The following HMCN2 variants were observed in gnomAD, a reference collection of about 807,000 sequenced individuals.
HMCN2 encodes hemicentin 2, also known as hemicentin-2.
HMCN2 carries 325 observed loss-of-function variants against 377.5 expected under a neutral mutation model. The observed-to-expected ratio is 0.86, with a 90% CI of 0.79 to 0.94. The LOEUF (loss-of-function observed/expected upper bound fraction) is 0.94. Among genes scored for constraint, HMCN2 ranks in the 40% least tolerant of loss-of-function variants. The pLI is 0.00. For synonymous variants in HMCN2, 2,007 were observed against 2,046.8 expected (o/e 0.98, Z 0.53); for missense variants, 4,543 against 4,725.3 (o/e 0.96, Z 1.13).
chr9:130,299,347 C>G (rs1215691676), intron 8 of HMCN2, 59 bp downstream of exon 8: 16 of 387,462 alleles, frequency 4.1e-5, no homozygotes, highest in Admixed American at 2.7e-4. Flanking sequence ...CCCATTTCAT[C>G]CTGGAGCCTT....
At chr9:130,384,026 A>T (rs922949614) in intron 57 of HMCN2, among the ~76,000 whole-genome samples, 2 of 152,132 alleles carry the variant, frequency 1.3e-5, no homozygotes, top group Non-Finnish European at 2.9e-5. Flanking sequence ...GCAACTCATG[A>T]CGTACACCGC....
chr9:130,346,695 G>A (rs1034886371), intron 25 of HMCN2, among the ~76,000 whole-genome samples: 5 of 152,128 alleles, frequency 3.3e-5, no homozygotes, highest in African/African-American at 7.2e-5. Context: ...AGAGGCTGGC[G>A]GTGGCAGCAG....
At chr9:130,411,683 T>A (rs1211193947) in intron 85 of HMCN2, among the ~76,000 whole-genome samples, 1 of 151,288 alleles carries the variant, frequency 6.6e-6, no homozygotes, top group Non-Finnish European at 1.5e-5. Context: ...GAGGTCATTA[T>A]GCGAAGTGGA....
chr9:130,393,152 C>G lies in HMCN2; in HGVS notation c.10137-60C>G. ...GCCTCTCCTGTCTCTCTCCCTTTCT[C>G]TTCCTCTCTCTCTCTCCCTTTCTCT... On this transcript the variant is annotated intron_variant, in intron 66 of 97. Coordinates refer to ENST00000683500, the MANE Select transcript of HMCN2 (RefSeq NM_001291815.2). The surrounding 1 kb of genome is among the most constrained non-coding windows in gnomAD (Gnocchi z 5.2). The G allele has an allele frequency of 1.1e-5, 10 of 939,994 alleles. No homozygotes were observed. The highest frequency in any genetic ancestry group is 3.5e-5 in the African/African-American group (2 of 56,474). The allele number at this position is 939,994 out of a possible 1,614,324, so 58.2% of individuals were successfully genotyped here.
Position 130,410,596 on chromosome 9 carries a change from G to T in HMCN2, c.12905G>T (p.Cys4302Phe), listed in dbSNP as rs1466490163. The T allele has an allele frequency of 6.4e-7, 1 of 1,550,626 alleles. No homozygotes were observed. Among genetic ancestry groups the T allele is most frequent in the East Asian group, 2.4e-5 (1 of 40,922 alleles). ...TERDDAGRYQCLAENEMGVAK... is the reference protein window; with the variant it reads ...TERDDAGRYQFLAENEMGVAK... ...AGGGACGATGCGGGACGGTACCAGT[G>T]CCTGGCAGAGAATGAGATGGGCGTG... Residue 4302 changes from cysteine (C) to phenylalanine (F), a missense_variant, in exon 85 of 98, where the codon TGC becomes TTC. By Grantham distance (205) the Cys-to-Phe change is radical (BLOSUM62 -2). This residue lies in a region of HMCN2 where 1,155 missense variants were observed against 1,157.7 expected (regional missense o/e 1.00). Coordinates refer to ENST00000683500, the MANE Select transcript of HMCN2 (RefSeq NM_001291815.2).
chr9:130,392,889 G>T (rs558070821), intron 66 of HMCN2, among the ~76,000 whole-genome samples: 1 of 151,928 alleles, frequency 6.6e-6, no homozygotes, highest in Non-Finnish European at 1.5e-5. Flanking sequence ...CCAGCTACTC[G>T]GGAGGCTGAG....
intron 81 of HMCN2, 25 bp from the exon 82 acceptor site, chr9:130,405,930 G>T (rs530022118): frequency 2.4e-6 from 3 of 1,273,720 alleles, no homozygotes; most frequent in Non-Finnish European, 3.1e-6. Context: ...GCAGTTCTCC[G>T]GCCAACCCCT....
At chr9:130,348,194 G>A (rs1839493027) in intron 26 of HMCN2, 1 of 395,300 alleles carries the variant, frequency 2.5e-6, no homozygotes, top group Non-Finnish European at 3.4e-6. Context: ...ACAAAAGCGT[G>A]GCCAGGCCTC....
chr9:130,362,355 A>G (rs536915090), intron 39 of HMCN2, among the ~76,000 whole-genome samples, 190 bp downstream of exon 39: 1 of 152,232 alleles, frequency 6.6e-6, no homozygotes, highest in African/African-American at 2.4e-5. Context: ...CATTCCATGA[A>G]CATGAACCAC....
rs769352035 is a variant in HMCN2, at chr9:130,393,236, C to T, written c.10161C>T (p.Asp3387=). The T allele has an allele frequency of 4.9e-5, 48 of 988,366 alleles. No individual in the cohort carries two copies. The highest frequency in any genetic ancestry group is 5.5e-5 in the Non-Finnish European group (46 of 830,358). 61.2% of individuals were successfully genotyped at this position (988,366 alleles called of 1,614,324 possible). A position where few individuals can be genotyped will look rare whatever the true frequency, so the allele number is the denominator to read the frequency against. The change falls in exon 67 of 98, where the codon GAC becomes GAT. Residue 3387 remains aspartate (D), a synonymous_variant. Coordinates refer to ENST00000683500, the MANE Select transcript of HMCN2 (RefSeq NM_001291815.2). This position sits in a 1 kb window ranked among gnomAD's most constrained non-coding sequence, Gnocchi z 5.2. The stretch of plus-strand genomic sequence containing the variant: ...GGATTTCCAAGGTGCAATTGGCAGA[C>T]GCTGGCATCTTCACCTGTGTGGCCG... ...TLRISKVQLA[D]AGIFTCVAAS... is the part of the protein sequence containing the mutation.
intron 51 of HMCN2, 81 bp downstream of exon 51, chr9:130,376,070 T>A: frequency 6.4e-6 from 3 of 468,430 alleles, no homozygotes; most frequent in Non-Finnish European, 8.4e-6. Flanking sequence ...TGAGCCACCC[T>A]TGGTGCTCCA....
chr9:130,337,070 G>A (rs1295141914), intron 22 of HMCN2, among the ~76,000 whole-genome samples: 1 of 152,184 alleles, frequency 6.6e-6, no homozygotes, highest in African/African-American at 2.4e-5. Flanking sequence ...GCCAGCTAGG[G>A]TCAGTGGCCG....
chr9:130,429,503 G>A (rs1174474590), intron 93 of HMCN2, 54 bp from the exon 94 acceptor site: 6 of 1,547,220 alleles, frequency 3.9e-6, no homozygotes, highest in Non-Finnish European at 5.2e-6. Flanking sequence ...CGTCCCTTGG[G>A]GGAGGGGCCC....
chr9:130,407,683 G>T lies in HMCN2; in HGVS notation c.12666G>T (p.Ala4222=). 8.0e-7 allele frequency: 1 copy of T among 1,254,472 alleles called. No individual in the cohort carries two copies. Among genetic ancestry groups the T allele is most frequent in the Non-Finnish European group, 1.0e-6 (1 of 966,750 alleles). 77.7% of individuals were successfully genotyped at this position (1,254,472 alleles called of 1,614,324 possible). A position where few individuals can be genotyped will look rare whatever the true frequency, so the allele number is the denominator to read the frequency against. ...AGAACAGAGTGGGCCGCACGCAGGC[G>T]GTCAGCTTCGTCCACGTGAAGGGTA... is the stretch of plus-strand genomic sequence containing the variant. ...WAENRVGRTQ[A]VSFVHVKEAP... Residue 4222 remains alanine (A), a synonymous_variant, in exon 83 of 98, where the codon GCG becomes GCT. Transcript: ENST00000683500.
At chr9:130,409,444 T>G (rs1232006600) in intron 84 of HMCN2, among the ~76,000 whole-genome samples, 3 of 152,190 alleles carry the variant, frequency 2.0e-5, no homozygotes, top group Admixed American at 1.3e-4. Context: ...CCCTTTTGTG[T>G]CTCAAGTTCT....
chr9:130,425,750 T>C lies in HMCN2; in HGVS notation c.13705T>C (p.Phe4569Leu). The C allele has an allele frequency of 6.5e-7, 1 of 1,539,474 alleles. No homozygotes were observed. Among genetic ancestry groups the C allele is most frequent in the Non-Finnish European group, 8.8e-7 (1 of 1,139,968 alleles). ...GCTGTTCGTGGGCTCCACACAGCGCTTCTTCCAGGGCGGCCTCCCCTCGTT... is the reference window on the plus strand; with the variant it reads ...GCTGTTCGTGGGCTCCACACAGCGCCTCTTCCAGGGCGGCCTCCCCTCGTT... The part of the protein sequence containing the change: ...GQLFVGSTQR[F>L]FQGGLPSFLR... The change falls in exon 90 of 98, where the codon TTC (phenylalanine) becomes CTC (leucine). Residue 4569 changes from phenylalanine (F) to leucine (L), a missense_variant. Transcript: ENST00000683500.
rs959226112 is a variant in HMCN2 at position 130,352,944 on chromosome 9, G to C, written c.4603G>C (p.Gly1535Arg). Residue 1535 changes from glycine (G) to arginine (R), a missense_variant, in exon 31 of 98, where the codon GGC becomes CGC. Gly to Arg is a moderately radical substitution (Grantham distance 125). Transcript: ENST00000683500. ...LRVHAPPTIW[G>R]SNETGEVAVM... ...CTTCTCAGCGCCCCCCACTATCTGG[G>C]GCTCCAACGAGACAGGCGAGGTGGC... is the stretch of plus-strand genomic sequence containing the variant. 1.5e-6 allele frequency: 2 copies of C among 1,291,370 alleles called. No individual in the cohort carries two copies. The highest frequency in any genetic ancestry group is 2.0e-6 in the Non-Finnish European group (2 of 981,636). 80.0% of individuals were successfully genotyped at this position (1,291,370 alleles called of 1,614,324 possible).
intron 62 of HMCN2, among the ~76,000 whole-genome samples, chr9:130,390,722 G>T (rs540844036): frequency 6.6e-6 from 1 of 150,518 alleles, no homozygotes; most frequent in Admixed American, 6.6e-5. Flanking sequence ...ATTGATGGGG[G>T]TAGAGGGGCA....
Position 130,431,457 on chromosome 9 carries a change from GTCTGCTCCCC to G in HMCN2, c.14739_14748del (p.Leu4914AlafsTer175). 2 of 1,549,828 alleles carry G rather than the reference GTCTGCTCCCC, an allele frequency of 1.3e-6. No homozygotes were observed. The highest frequency in any genetic ancestry group is 2.7e-5 in the African/African-American group (2 of 73,050). On this transcript the variant is annotated frameshift_variant, in exon 96 of 98. Coordinates refer to ENST00000683500, the MANE Select transcript of HMCN2 (RefSeq NM_001291815.2). LOFTEE classifies it high-confidence loss of function. ...CAGTGCCTGTGCCCCGCCGGCTACC[GTCTGCTCCCC>G]AGCGGGAAGAACTGCCAGGGTGAGC...
Sources: allele counts gnomAD v4.1 joint callset (sites outside exome capture counted in the v4.1 genomes callset), GRCh38; gene constraint gnomAD v4.1.1; regional missense constraint gnomAD v4.1.1; non-coding constraint Gnocchi (gnomAD v3.1); transcripts MANE v1.5; gene names NCBI Gene and HGNC (gene_info 2026-07-23, HGNC 2026-07-21).